Variants in NMT1 observed in about 807,000 individuals in gnomAD.
NMT1 encodes the protein N-myristoyltransferase 1.
NMT1 carries 12 observed loss-of-function variants against 63.4 expected under a neutral mutation model. That is an observed-to-expected ratio of 0.19 (90% CI 0.12 to 0.31). The LOEUF is 0.31. Among genes scored for constraint, NMT1 ranks in the 10% least tolerant of loss-of-function variants. NMT1 has a pLI of 1.00. For synonymous variants in NMT1, 228 were observed against 234.3 expected, an observed-to-expected ratio of 0.97 and a Z score of 0.25; for missense variants, 432 against 634.6, an observed-to-expected ratio of 0.68 and a Z score of 3.43.
chr17:45,086,732 G>A (rs564224852), intron 3 of NMT1, 80 bp downstream of exon 3: 1 of 1,453,540 alleles, frequency 6.9e-7, no homozygotes, highest in South Asian at 1.4e-5. Context: ...GTTTCATGCT[G>A]AATTACTGTA....
intron 1 of NMT1, among the ~76,000 whole-genome samples, chr17:45,079,143 G>A (rs1364173153): frequency 5.6e-5 from 8 of 143,550 alleles, no homozygotes; most frequent in Admixed American, 1.4e-4. Flanking sequence ...TTGCTCTGTC[G>A]CCCAGAGCTG....
chr17:45,080,802 T>C (rs568611663), intron 1 of NMT1, among the ~76,000 whole-genome samples: 1 of 151,816 alleles, frequency 6.6e-6, no homozygotes, highest in African/African-American at 2.4e-5. Flanking sequence ...GGTCTGTCTC[T>C]GTCATACAGG....
intron 3 of NMT1, among the ~76,000 whole-genome samples, chr17:45,087,324 C>T (rs1350948382): frequency 6.6e-6 from 1 of 152,180 alleles, no homozygotes; most frequent in Non-Finnish European, 1.5e-5. Context: ...GGCAAAGTCC[C>T]CAGCCTCTTC....
At chr17:45,097,273 CACA>C in intron 6 of NMT1, 29 bp downstream of exon 6, 1 of 1,476,394 alleles carries the variant, frequency 6.8e-7, no homozygotes, top group Non-Finnish European at 9.5e-7. Context: ...CCCCACCCCC[CACA>C]ACACCGCCAT....
intron 8 of NMT1, among the ~76,000 whole-genome samples, chr17:45,100,546 C>T (rs748039003): frequency 4.7e-5 from 7 of 147,882 alleles, no homozygotes; most frequent in Non-Finnish European, 7.4e-5. Context: ...CCAGCCTAGG[C>T]GACAGAGCGA....
intron 4 of NMT1, among the ~76,000 whole-genome samples, chr17:45,094,518 A>ATT (rs1364597501): frequency 2.1e-5 from 3 of 140,466 alleles, no homozygotes; most frequent in Non-Finnish European, 3.1e-5. Context: ...AGTCAACAGA[A>ATT]TTTTTTTTTT....
Position 45,103,205 on chromosome 17 carries a change from T to C in NMT1, c.1164+84T>C. ...AGTGGCCGGGTTCCCAGGGCTCGAG[T>C]GTTGGCACCTTAGACTTCCTTGACC... On this transcript the variant is annotated intron_variant, in intron 9 of 11. Coordinates refer to ENST00000258960, the MANE Select transcript of NMT1 (RefSeq NM_021079.5). The surrounding 1 kb of genome is among the most constrained non-coding windows in gnomAD (Gnocchi z 4.8). 1 of 1,337,206 alleles carries C rather than the reference T, an allele frequency of 7.5e-7. No homozygotes were observed. The allele number at this position is 1,337,206 out of a possible 1,614,324, so 82.8% of individuals were successfully genotyped here.
intron 1 of NMT1, among the ~76,000 whole-genome samples, chr17:45,074,190 A>G (rs1262243288): frequency 6.6e-6 from 1 of 151,368 alleles, no homozygotes; most frequent in African/African-American, 2.4e-5. Flanking sequence ...TTGAACTTGT[A>G]ACATTTTGGT....
Position 45,086,522 on chromosome 17 carries a change from A to G in NMT1, c.255A>G (p.Pro85=). The G allele has an allele frequency of 1.2e-6, 2 of 1,610,540 alleles. No individual in the cohort carries two copies. The highest frequency in any genetic ancestry group is 1.1e-5 in the South Asian group (1 of 90,588). Residue 85 remains proline, a synonymous_variant, in exon 3 of 12, where the codon CCA becomes CCG. Coordinates refer to ENST00000258960, the MANE Select transcript of NMT1 (RefSeq NM_021079.5). The part of the protein sequence containing the change: ...QDQPVKMNSL[P]AERIQEIQKA... Reference sequence around the variant, plus strand: ...GTCTTGTCCAGATGAACTCTTTGCCAGCAGAGAGGATCCAGGAAATACAGA... The same window carrying G: ...GTCTTGTCCAGATGAACTCTTTGCCGGCAGAGAGGATCCAGGAAATACAGA...
intron 2 of NMT1, among the ~76,000 whole-genome samples, chr17:45,085,045 C>A (rs1259687043): frequency 2.0e-5 from 3 of 151,592 alleles, no homozygotes; most frequent in Non-Finnish European, 4.4e-5. Flanking sequence ...CCCAGGAGTT[C>A]GAGGCCAGCC....
chr17:45,067,341 T>C (rs1226252622), intron 1 of NMT1, among the ~76,000 whole-genome samples: 1 of 152,194 alleles, frequency 6.6e-6, no homozygotes. Flanking sequence ...TATTTTGCAG[T>C]GTCTTCAGTG....
Position 45,086,608 on chromosome 17 carries a change from A to T in NMT1, c.341A>T (p.Lys114Met), listed in dbSNP as rs2054056712. ...GPAKTMEEAS[K>M]RSYQFWDTQP... ...GCCAAAACCATGGAGGAGGCTAGCAAGCGAAGCTACCAGTTCTGGGATACG... is the reference window on the plus strand; with the variant it reads ...GCCAAAACCATGGAGGAGGCTAGCATGCGAAGCTACCAGTTCTGGGATACG... The change falls in exon 3 of 12, where the codon AAG becomes ATG. Residue 114 changes from lysine (K) to methionine (M), a missense_variant. Transcript: ENST00000258960. 3 of 1,613,720 alleles carry T rather than the reference A, an allele frequency of 1.9e-6. No individual in the cohort carries two copies. Among genetic ancestry groups the T allele is most frequent in the Non-Finnish European group, 2.5e-6 (3 of 1,179,812 alleles).
chr17:45,071,744 G>A (rs1420383911), intron 1 of NMT1, among the ~76,000 whole-genome samples: 2 of 152,032 alleles, frequency 1.3e-5, no homozygotes, highest in African/African-American at 4.8e-5. Context: ...ATTAGAGATG[G>A]GGTCTCACTT....
chr17:45,100,303 A>T (rs1473285518), intron 8 of NMT1, among the ~76,000 whole-genome samples: 1 of 152,044 alleles, frequency 6.6e-6, no homozygotes, highest in Non-Finnish European at 1.5e-5. Context: ...GCAGTGGCTC[A>T]CGCCTGTAAT....
intron 1 of NMT1, among the ~76,000 whole-genome samples, chr17:45,076,875 G>T (rs2053981025): frequency 6.6e-6 from 1 of 152,094 alleles, no homozygotes; most frequent in Non-Finnish European, 1.5e-5. Context: ...CCAATATAAA[G>T]AAAATGAAAT....
In NMT1 at chr17:45,103,889, C is replaced by CG. The variant is rs770134493; in HGVS notation, c.1332+20dup. 283 of 1,612,612 alleles carry CG rather than the reference C, an allele frequency of 1.8e-4. No homozygotes were observed. The highest frequency in any genetic ancestry group is 1.1e-3 in the African/African-American group (79 of 74,970). On this transcript the variant is annotated intron_variant, in intron 10 of 11. Coordinates refer to ENST00000258960, the MANE Select transcript of NMT1 (RefSeq NM_021079.5). This position sits in a 1 kb window ranked among gnomAD's most constrained non-coding sequence, Gnocchi z 4.8. ...CCTCGCCAAAATGGTGAGGAGCAGACGGGGGGGTCTCTGGAGATGTGCAGG... is the reference window on the plus strand; with the variant it reads ...CCTCGCCAAAATGGTGAGGAGCAGACGGGGGGGGTCTCTGGAGATGTGCAGG...
chr17:45,098,573 G>A, intron 7 of NMT1, 21 bp downstream of exon 7: 1 of 1,611,196 alleles, frequency 6.2e-7, no homozygotes, highest in Non-Finnish European at 8.5e-7. Flanking sequence ...CTTCCTGTAA[G>A]GCCCCAAAAA....
At chr17:45,066,117 G>A (rs148975873) in intron 1 of NMT1, among the ~76,000 whole-genome samples, 79 of 152,100 alleles carry the variant, frequency 5.2e-4, no homozygotes, top group African/African-American at 1.3e-3. Flanking sequence ...GCTGTGGCGC[G>A]ATCTTGGCTC....
chr17:45,097,707 C>T (rs985196453), intron 6 of NMT1, among the ~76,000 whole-genome samples: 2 of 152,022 alleles, frequency 1.3e-5, no homozygotes, highest in African/African-American at 2.4e-5. Context: ...TGCAGTGGTG[C>T]GATCTTGGTT....
Sources: allele counts gnomAD v4.1 joint callset (sites outside exome capture counted in the v4.1 genomes callset), GRCh38; gene constraint gnomAD v4.1.1; non-coding constraint Gnocchi (gnomAD v3.1); transcripts MANE v1.5; gene names NCBI Gene and HGNC (gene_info 2026-07-23, HGNC 2026-07-21).